The following NKAIN1 variants were observed in gnomAD, a reference collection of about 807,000 sequenced individuals.
The protein encoded by NKAIN1 is sodium/potassium-transporting ATPase subunit beta-1-interacting protein 1.
In NKAIN1, 13 loss-of-function variants were observed where a neutral mutation model predicts 31.6. The ratio of observed to expected loss-of-function variants is 0.41; its 90% CI spans 0.27 to 0.65. NKAIN1 has a LOEUF of 0.65. Among genes scored for constraint, NKAIN1 ranks in the 30% least tolerant of loss-of-function variants. The pLI is 0.30. For synonymous variants in NKAIN1, 104 were observed against 109.0 expected, an observed-to-expected ratio of 0.95 and a Z score of 0.28; for missense variants, 193 against 262.2, an observed-to-expected ratio of 0.74 and a Z score of 1.82.
intron 2 of NKAIN1, 143 bp downstream of exon 2, chr1:31,187,907 C>T: frequency 2.3e-6 from 2 of 856,168 alleles, no homozygotes; most frequent in Non-Finnish European, 3.5e-6. Context: ...GGGCTGTGCA[C>T]ATTCACCCCA....
intron 1 of NKAIN1, among the ~76,000 whole-genome samples, chr1:31,204,457 C>A (rs1443379940): frequency 6.6e-6 from 1 of 152,118 alleles, no homozygotes; most frequent in Admixed American, 6.6e-5. Flanking sequence ...CATGTTCCCA[C>A]GTCTAAACTA....
chr1:31,216,706 A>ATTTATTTG lies in NKAIN1; in HGVS notation c.54+22787_54+22788insCAAATAAA, dbSNP rs1297174050. Among the ~76,000 whole-genome samples the ATTTATTTG allele has an allele frequency of 8.0e-5, 12 of 150,338 alleles. No individual in the cohort carries two copies. In the East Asian group the frequency reaches 2.3e-3, roughly 29 times the overall value. ...GGCATTGACTTTTATTTATTTATTT[A>ATTTATTTG]TTTATTTATTTATTTATTTATTTAT... On this transcript the variant is annotated intron_variant, in intron 1 of 6. Transcript: ENST00000373736.
At chr1:31,193,279 A>G (rs1645300182) in intron 1 of NKAIN1, among the ~76,000 whole-genome samples, 1 of 150,362 alleles carries the variant, frequency 6.7e-6, no homozygotes, top group South Asian at 2.1e-4. Context: ...CATGTTAGCC[A>G]GGATGGTCTC....
Position 31,181,604 on chromosome 1 carries a change from C to G in NKAIN1, c.*99G>C. 1 of 1,206,132 alleles carries G rather than the reference C, an allele frequency of 8.3e-7. No homozygotes were observed. Among genetic ancestry groups the G allele is most frequent in the Non-Finnish European group, 1.1e-6 (1 of 907,258 alleles). 74.7% of individuals were successfully genotyped at this position (1,206,132 alleles called of 1,614,324 possible). On this transcript the variant is annotated 3_prime_UTR_variant, in exon 7 of 7. Coordinates refer to ENST00000373736, the MANE Select transcript of NKAIN1 (RefSeq NM_024522.3). ...GGGGTTGGGCACAGGCTGCAGTGAG[C>G]GCGCGGGCCACCAGGGGGACACGCC...
chr1:31,188,973 A>G (rs965736109), intron 1 of NKAIN1, among the ~76,000 whole-genome samples: 1 of 151,452 alleles, frequency 6.6e-6, no homozygotes, highest in African/African-American at 2.4e-5. Flanking sequence ...AGATCATGCC[A>G]CTGCACTCCA....
At chr1:31,190,205 A>G (rs771169551) in intron 1 of NKAIN1, among the ~76,000 whole-genome samples, 14 of 152,174 alleles carry the variant, frequency 9.2e-5, no homozygotes, top group Non-Finnish European at 1.3e-4. Context: ...ATGCTACCAC[A>G]CAGATGGCAA....
At chr1:31,188,992 G>A (rs183826963) in intron 1 of NKAIN1, among the ~76,000 whole-genome samples, 5 of 150,490 alleles carry the variant, frequency 3.3e-5, no homozygotes, top group African/African-American at 9.8e-5. Flanking sequence ...CAGCCTGGGC[G>A]ACAGAGTGAG....
rs532323218 is a variant in NKAIN1 at position 31,218,702 on chromosome 1, T to C, written c.54+20792A>G. Among the ~76,000 whole-genome samples the C allele has an allele frequency of 1.5e-4, 23 of 152,342 alleles. No individual in the cohort carries two copies. In the East Asian group the frequency reaches 4.4e-3, roughly 29 times the overall value. On this transcript the variant is annotated intron_variant, in intron 1 of 6. Coordinates refer to ENST00000373736, the MANE Select transcript of NKAIN1 (RefSeq NM_024522.3). ...CAGGCCTTGATAAACTGTGCCCCTG[T>C]ACCCTCCTCCTCACGTCCCCACTTC...
intron 1 of NKAIN1, among the ~76,000 whole-genome samples, chr1:31,195,268 G>A (rs11580143): frequency 0.53 from 80,141 of 151,196 alleles, 25,009 homozygotes; most frequent in Middle Eastern, 0.76. Flanking sequence ...ACAGGCACCC[G>A]CCACCATGCC....
At chr1:31,210,338 G>A (rs1645458168) in intron 1 of NKAIN1, among the ~76,000 whole-genome samples, 1 of 150,138 alleles carries the variant, frequency 6.7e-6, no homozygotes, top group South Asian at 2.1e-4. Flanking sequence ...GCCCAGGCTG[G>A]AGTGCAGTGG....
At chr1:31,184,804 C>A (rs946328465) in intron 3 of NKAIN1, among the ~76,000 whole-genome samples, 2 of 152,180 alleles carry the variant, frequency 1.3e-5, no homozygotes, top group Non-Finnish European at 2.9e-5. Context: ...GCTCAATCTT[C>A]CCTGAACAAA....
intron 1 of NKAIN1, among the ~76,000 whole-genome samples, chr1:31,221,730 G>A (rs1437061648): frequency 3.3e-5 from 5 of 151,998 alleles, no homozygotes; most frequent in African/African-American, 9.7e-5. Context: ...CACTGCACCT[G>A]ACCTGGAAAT....
At chr1:31,192,359 C>T (rs1385818074) in intron 1 of NKAIN1, among the ~76,000 whole-genome samples, 1 of 152,116 alleles carries the variant, frequency 6.6e-6, no homozygotes, top group Non-Finnish European at 1.5e-5. Context: ...ATTCACAGAA[C>T]GTTTAGTCTA....
chr1:31,191,062 C>T (rs544635838), intron 1 of NKAIN1, among the ~76,000 whole-genome samples: 13 of 152,250 alleles, frequency 8.5e-5, no homozygotes, highest in African/African-American at 2.4e-4. Flanking sequence ...AGGCCAAGGT[C>T]GGCGGACCAC....
chr1:31,233,816 G>A lies in NKAIN1; in HGVS notation c.54+5678C>T, dbSNP rs1381161126. Among the ~76,000 whole-genome samples the A allele has an allele frequency of 6.6e-6, 1 of 152,300 alleles. No homozygotes were observed. The highest frequency in any genetic ancestry group is 1.5e-5 in the Non-Finnish European group (1 of 68,022). On this transcript the variant is annotated intron_variant, in intron 1 of 6. Transcript: ENST00000373736. The surrounding 1 kb of genome is among the most constrained non-coding windows in gnomAD (Gnocchi z 4.0). ...CATCAACTTGCGAATTCCCCAAACT[G>A]CCATGGGCTCGTTCGTGGGGTAGAA... is the stretch of plus-strand genomic sequence containing the variant.
intron 1 of NKAIN1, among the ~76,000 whole-genome samples, chr1:31,235,050 C>T (rs1263744103): frequency 6.6e-6 from 1 of 152,162 alleles, no homozygotes; most frequent in Non-Finnish European, 1.5e-5. Context: ...TAACATGCAC[C>T]AGGCACTTTG....
chr1:31,238,959 T>C (rs1645712053), intron 1 of NKAIN1, among the ~76,000 whole-genome samples: 1 of 151,988 alleles, frequency 6.6e-6, no homozygotes. Flanking sequence ...CAGATGAACA[T>C]GGGCCAGAAA....
chr1:31,189,528 G>C (rs1645270025), intron 1 of NKAIN1, among the ~76,000 whole-genome samples: 1 of 152,060 alleles, frequency 6.6e-6, no homozygotes, highest in African/African-American at 2.4e-5. Flanking sequence ...TGTTGGCCAG[G>C]CTGGTCTTGA....
intron 1 of NKAIN1, among the ~76,000 whole-genome samples, chr1:31,222,134 C>A (rs1216129846): frequency 6.6e-6 from 1 of 152,202 alleles, no homozygotes; most frequent in African/African-American, 2.4e-5. Context: ...CCGCCTCGGC[C>A]TCTCAGTGTT....
Sources: allele counts gnomAD v4.1 joint callset (sites outside exome capture counted in the v4.1 genomes callset), GRCh38; gene constraint gnomAD v4.1.1; non-coding constraint Gnocchi (gnomAD v3.1); transcripts MANE v1.5; gene names NCBI Gene and HGNC (gene_info 2026-07-23, HGNC 2026-07-21).